Variants in PDE1C observed in about 807,000 individuals in gnomAD.
The protein encoded by PDE1C is dual specificity calcium/calmodulin-dependent 3',5'-cyclic nucleotide phosphodiesterase 1C.
PDE1C carries 62 observed loss-of-function variants against 93.1 expected under a neutral mutation model. The ratio of observed to expected loss-of-function variants is 0.67; its 90% CI spans 0.54 to 0.82. The LOEUF (loss-of-function observed/expected upper bound fraction) is 0.82. Ranked by LOEUF, PDE1C falls within the 40% of genes least tolerant of loss-of-function variation. The pLI, the probability that PDE1C is intolerant of heterozygous loss-of-function variation, is 0.00. For synonymous variants in PDE1C, 325 were observed against 310.1 expected (o/e 1.05, Z -0.50); for missense variants, 742 against 884.6 (o/e 0.84, Z 2.04).
intron 2 of PDE1C, among the ~76,000 whole-genome samples, chr7:31,891,089 C>T (rs1798573995): frequency 6.6e-6 from 1 of 152,216 alleles, no homozygotes; most frequent in Non-Finnish European, 1.5e-5. Flanking sequence ...TAGGGGTTGT[C>T]TGTCCCACCT....
the PDE1C span, among the ~76,000 whole-genome samples, chr7:31,690,964 A>T: frequency 6.6e-6 from 1 of 152,200 alleles, no homozygotes. Flanking sequence ...TTGGTTAAAT[A>T]GGTGCATAAG....
At chr7:32,157,979 G>C (rs1439966400) in intron 3 of PDE1C, among the ~76,000 whole-genome samples, 1 of 152,084 alleles carries the variant, frequency 6.6e-6, no homozygotes, top group Admixed American at 6.5e-5. Context: ...TGCTATCCGG[G>C]GAAATTTAAC....
intron 2 of PDE1C, among the ~76,000 whole-genome samples, chr7:32,042,748 T>G (rs1331175929): frequency 2.6e-5 from 4 of 152,234 alleles, no homozygotes; most frequent in Non-Finnish European, 5.9e-5. Flanking sequence ...GTGATCTCTG[T>G]GCTAACTGGC....
intron 1 of PDE1C, among the ~76,000 whole-genome samples, chr7:32,285,496 T>C (rs935201351): frequency 1.3e-5 from 2 of 152,140 alleles, no homozygotes; most frequent in African/African-American, 4.8e-5. Flanking sequence ...TATGTTCACA[T>C]AATGGAATAT....
upstream of PDE1C, chr7:32,428,210 CT>C (rs1481043451): frequency 2.6e-5 from 4 of 152,388 alleles, no homozygotes; most frequent in African/African-American, 9.6e-5. Context: ...CGAAGGCTTA[CT>C]CCCTCCTGGT....
At chr7:32,324,184 T>C (rs1783355926) in intron 1 of PDE1C, among the ~76,000 whole-genome samples, 1 of 152,258 alleles carries the variant, frequency 6.6e-6, no homozygotes, top group Non-Finnish European at 1.5e-5. Context: ...TATTAACTTA[T>C]TGTCTATAGT....
Position 31,754,320 on chromosome 7 carries a change from G to A in PDE1C, c.1961-767C>T, listed in dbSNP as rs555463447. Among the ~76,000 whole-genome samples the A allele has an allele frequency of 2.6e-5, 4 of 152,344 alleles. No homozygotes were observed. In the South Asian group the frequency reaches 6.2e-4, roughly 24 times the overall value. ...AATGGTACAGCCACTTTGGAAGACA[G>A]TTTGACCGTTTCTTATGAAGCTAGA... On this transcript the variant is annotated intron_variant, in intron 17 of 17. Transcript: ENST00000396191.
rs1785369781 is a variant in PDE1C, at chr7:32,420,120, TATATACACACACAC to T, written c.310+7688_310+7701del. Among the ~76,000 whole-genome samples the T allele has an allele frequency of 8.6e-5, 2 of 23,176 alleles. 1 individual carries two copies. The highest frequency in any genetic ancestry group is 1.8e-4 in the Non-Finnish European group (2 of 11,180). 15.2% of individuals were successfully genotyped at this position (23,176 alleles called of 152,430 possible). A position where few individuals can be genotyped will look rare whatever the true frequency, so the allele number is the denominator to read the frequency against. ...ATATATATATATATATATATATATA[TATATACACACACAC>T]ACACACACACACACACACACACACA... On this transcript the variant is annotated intron_variant, in intron 1 of 1. Transcript: ENST00000672256.
At chr7:32,187,731 A>T (rs1328963785) in intron 2 of PDE1C, among the ~76,000 whole-genome samples, 1 of 147,844 alleles carries the variant, frequency 6.8e-6, no homozygotes, top group Non-Finnish European at 1.5e-5. Context: ...GTGAAGACAA[A>T]CATAAATAAT....
At chr7:31,664,823 A>T in the PDE1C span, among the ~76,000 whole-genome samples, 2 of 152,192 alleles carry the variant, frequency 1.3e-5, no homozygotes, top group Non-Finnish European at 2.9e-5. Flanking sequence ...ACCTCACCTG[A>T]TCAAGACATC....
chr7:32,035,829 T>C (rs1430623229), intron 2 of PDE1C, among the ~76,000 whole-genome samples: 1 of 152,192 alleles, frequency 6.6e-6, no homozygotes, highest in African/African-American at 2.4e-5. Flanking sequence ...TTGCTTCTGA[T>C]GGCAATGGAT....
chr7:31,938,449 C>T (rs1462187702), intron 2 of PDE1C, among the ~76,000 whole-genome samples: 1 of 151,760 alleles, frequency 6.6e-6, no homozygotes, highest in African/African-American at 2.4e-5. Flanking sequence ...AGGGAGGAGT[C>T]AGACCAAATT....
At chr7:31,880,291 T>C (rs3779242) in intron 3 of PDE1C, among the ~76,000 whole-genome samples, 16,673 of 152,198 alleles carry the variant, frequency 0.11, 1,277 homozygotes, top group East Asian at 0.29. Context: ...ATCAGCGACA[T>C]ACGTAAGACT....
chr7:32,345,575 C>G (rs957393359), intron 1 of PDE1C, among the ~76,000 whole-genome samples: 1 of 152,056 alleles, frequency 6.6e-6, no homozygotes, highest in African/African-American at 2.4e-5. Flanking sequence ...AAGTAATATC[C>G]TGGGAGAAAA....
chr7:31,807,491 G>T (rs1386081441), intron 16 of PDE1C, among the ~76,000 whole-genome samples: 2 of 151,804 alleles, frequency 1.3e-5, no homozygotes, highest in Admixed American at 1.3e-4. Flanking sequence ...CTTTATGAAG[G>T]TGATAAAATA....
At chr7:32,311,206 G>A (rs753796910) in intron 1 of PDE1C, among the ~76,000 whole-genome samples, 98 of 152,292 alleles carry the variant, frequency 6.4e-4, no homozygotes, top group Admixed American at 2.5e-3. Context: ...AAACCAGGAA[G>A]AAGTTGAATC....
chr7:32,011,921 C>T (rs1336556206), intron 2 of PDE1C, among the ~76,000 whole-genome samples: 1 of 152,132 alleles, frequency 6.6e-6, no homozygotes, highest in South Asian at 2.1e-4. Flanking sequence ...CTGAAAACAA[C>T]CCAAATGCCA....
At chr7:31,764,026 A>T (rs2128612404) in intron 17 of PDE1C, among the ~76,000 whole-genome samples, 1 of 150,380 alleles carries the variant, frequency 6.6e-6, no homozygotes, top group South Asian at 2.1e-4. Context: ...ATATATTTCT[A>T]TTCTGCTACC....
intron 2 of PDE1C, among the ~76,000 whole-genome samples, chr7:32,196,209 A>T (rs765500551): frequency 3.9e-5 from 6 of 152,136 alleles, no homozygotes; most frequent in Admixed American, 1.3e-4. Flanking sequence ...CAGCCTTGTG[A>T]GGGTGGACAT....
Sources: allele counts gnomAD v4.1 joint callset (sites outside exome capture counted in the v4.1 genomes callset), GRCh38; gene constraint gnomAD v4.1.1; transcripts MANE v1.5; gene names NCBI Gene and HGNC (gene_info 2026-07-23, HGNC 2026-07-21).